GLYATL3: variants seen among roughly 807,000 people sequenced by gnomAD.
The protein encoded by GLYATL3 is glycine N-acyltransferase-like protein 3.
Under a neutral mutation model 28.5 loss-of-function variants are expected in GLYATL3, and 31 were observed. That is an observed-to-expected ratio of 1.09 (90% CI 0.82 to 1.47). The LOEUF (loss-of-function observed/expected upper bound fraction) is 1.47. Among genes scored for constraint, GLYATL3 ranks in the 40% most tolerant of loss-of-function variants. The probability of loss-of-function intolerance (pLI) is 0.00; values close to 1 mark genes in which losing one functional copy is unlikely to be tolerated. For missense variants in GLYATL3, 369 were observed against 351.5 expected, an observed-to-expected ratio of 1.05 and a Z score of -0.40; for synonymous variants, 141 against 140.2, an observed-to-expected ratio of 1.01 and a Z score of -0.04.
At position 49,527,448 on chromosome 6, in the gene GLYATL3, G is replaced by A. The variant is rs749289017; in HGVS notation, c.*534G>A. On this transcript the variant is annotated 3_prime_UTR_variant, in exon 6 of 6. Transcript: ENST00000371197. ...ATTACTTGCTCTTTACTTCTGCCTA[G>A]GACTCTAGCCTATAGTTCACTGCCC... Among the ~76,000 whole-genome samples, 1 of 152,074 alleles carries A rather than the reference G, an allele frequency of 6.6e-6. No individual in the cohort carries two copies. The highest frequency in any genetic ancestry group is 1.5e-5 in the Non-Finnish European group (1 of 68,028).
intron 5 of GLYATL3, among the ~76,000 whole-genome samples, chr6:49,524,338 T>A (rs746852105): frequency 6.6e-6 from 1 of 152,182 alleles, no homozygotes; most frequent in Non-Finnish European, 1.5e-5. Flanking sequence ...ACACCTCTAA[T>A]TAAAAGAAAA....
chr6:49,525,682 A>T (rs559836176), intron 5 of GLYATL3, among the ~76,000 whole-genome samples: 8 of 151,934 alleles, frequency 5.3e-5, no homozygotes, highest in African/African-American at 1.7e-4. Context: ...CACCAGTGGG[A>T]GATTTTATAC....
rs1769237238 is a variant in GLYATL3, at chr6:49,517,495, T to C, written c.252T>C (p.Ala84=). 1 of 1,550,776 alleles carries C rather than the reference T, an allele frequency of 6.4e-7. No homozygotes were observed. Among genetic ancestry groups the C allele is most frequent in the Non-Finnish European group, 8.7e-7 (1 of 1,146,252 alleles). ...AYAVFYKDVR[A]YRQLLEECDV... ...CTGTGTTCTACAAGGATGTCAGGGC[T>C]TATCGACAGCTATTGGAAGAATGTG... Residue 84 remains alanine (A), a synonymous_variant, in exon 4 of 6, where the codon GCT becomes GCC. Transcript: ENST00000371197.
At chr6:49,515,347 A>C (rs542239784) in intron 2 of GLYATL3, among the ~76,000 whole-genome samples, 1 of 152,282 alleles carries the variant, frequency 6.6e-6, no homozygotes, top group South Asian at 2.1e-4. Context: ...CTGCTGACCT[A>C]TGTGCCAAGT....
At chr6:49,524,316 C>T (rs1354291380) in intron 5 of GLYATL3, among the ~76,000 whole-genome samples, 1 of 152,144 alleles carries the variant, frequency 6.6e-6, no homozygotes, top group Non-Finnish European at 1.5e-5. Flanking sequence ...CTGAAATGTG[C>T]AATAACACTA....
intron 3 of GLYATL3, among the ~76,000 whole-genome samples, 172 bp from the exon 4 acceptor site, chr6:49,517,258 C>T (rs1246715325): frequency 1.3e-5 from 2 of 152,044 alleles, no homozygotes; most frequent in Non-Finnish European, 2.9e-5. Flanking sequence ...TTTCCCCTCA[C>T]TACAGCATAT....
At chr6:49,518,790 A>C (rs928641607) in intron 4 of GLYATL3, among the ~76,000 whole-genome samples, 2 of 151,964 alleles carry the variant, frequency 1.3e-5, no homozygotes, top group Non-Finnish European at 2.9e-5. Context: ...AATACAAAAA[A>C]ATTAGCCGGG....
intron 1 of GLYATL3, among the ~76,000 whole-genome samples, chr6:49,504,057 A>C (rs1768963671): frequency 6.6e-6 from 1 of 152,088 alleles, no homozygotes; most frequent in African/African-American, 2.4e-5. Flanking sequence ...ATATAGGCCC[A>C]ATATTCGTAG....
At chr6:49,512,279 TC>T (rs1561977573) in intron 2 of GLYATL3, among the ~76,000 whole-genome samples, 18 of 139,174 alleles carry the variant, frequency 1.3e-4, no homozygotes, top group East Asian at 4.2e-4. Context: ...TTTTTTTTTT[TC>T]TTTCTTTTTT....
chr6:49,516,166 C>T (rs1203786953), intron 3 of GLYATL3, among the ~76,000 whole-genome samples: 2 of 151,974 alleles, frequency 1.3e-5, no homozygotes, highest in Non-Finnish European at 2.9e-5. Flanking sequence ...AGGCTGATCT[C>T]GAACTCCTGA....
intron 2 of GLYATL3, among the ~76,000 whole-genome samples, chr6:49,513,702 C>T (rs563352994): frequency 6.6e-6 from 1 of 152,042 alleles, no homozygotes; most frequent in Non-Finnish European, 1.5e-5. Flanking sequence ...TAAGCCGAAC[C>T]CAATTTGGAA....
intron 5 of GLYATL3, among the ~76,000 whole-genome samples, chr6:49,523,399 G>A (rs1406832001): frequency 6.6e-6 from 1 of 152,186 alleles, no homozygotes; most frequent in African/African-American, 2.4e-5. Context: ...GACACTCAGT[G>A]CCCAGGATTT....
intron 1 of GLYATL3, among the ~76,000 whole-genome samples, chr6:49,503,734 A>G (rs1433365834): frequency 6.6e-6 from 1 of 152,246 alleles, no homozygotes; most frequent in Non-Finnish European, 1.5e-5. Flanking sequence ...ATGTGTGAAT[A>G]TAATCAGAGA....
intron 4 of GLYATL3, among the ~76,000 whole-genome samples, chr6:49,520,680 A>C (rs1053789093): frequency 3.3e-5 from 5 of 152,136 alleles, no homozygotes; most frequent in Admixed American, 2.6e-4. Context: ...GGGGATTTGG[A>C]AAGGTGGAGA....
At chr6:49,521,832 A>T (rs1769322101) in intron 5 of GLYATL3, 61 bp downstream of exon 5, 3 of 1,426,566 alleles carry the variant, frequency 2.1e-6, no homozygotes, top group Admixed American at 4.3e-5. Context: ...TACACGTAGC[A>T]GTAACTGGGG....
rs143394064 is a variant in GLYATL3 at position 49,506,913 on chromosome 6, C to T, written c.-28-5050C>T. Among the ~76,000 whole-genome samples the T allele has an allele frequency of 5.3e-5, 8 of 151,998 alleles. No individual in the cohort carries two copies. In the East Asian group the frequency reaches 1.2e-3, roughly 22 times the overall value. ...TCTAAGCCTCTGAAAGAAGGGGTCCCGGAGTGTTGAAAGAAACAGTAGGCT... is the reference window on the plus strand; with the variant it reads ...TCTAAGCCTCTGAAAGAAGGGGTCCTGGAGTGTTGAAAGAAACAGTAGGCT... On this transcript the variant is annotated intron_variant, in intron 1 of 5. Coordinates refer to ENST00000371197, the MANE Select transcript of GLYATL3 (RefSeq NM_001010904.2).
intron 5 of GLYATL3, among the ~76,000 whole-genome samples, chr6:49,525,560 C>CAAAAAAAAAAAAAA (rs56711143): frequency 1.5e-5 from 1 of 66,592 alleles, no homozygotes; most frequent in African/African-American, 6.5e-5. Flanking sequence ...GCAAGGCTCT[C>CAAAAAAAAAAAAAA]AAAAAAAAAA....
rs1474749031 is a variant in GLYATL3 at position 49,526,692 on chromosome 6, C to T, written c.645C>T (p.Gly215=). ...ITDQFATMCH[G]YTLPEHRRKG... ...ACCAGTTTGCCACCATGTGCCATGG[C>T]TACACCCTGCCAGAACATCGCAGGA... Residue 215 remains glycine (G), a synonymous_variant, in exon 6 of 6, where the codon GGC becomes GGT. Coordinates refer to ENST00000371197, the MANE Select transcript of GLYATL3 (RefSeq NM_001010904.2). 6.4e-7 allele frequency: 1 copy of T among 1,551,792 alleles called. No individual in the cohort carries two copies. Among genetic ancestry groups the T allele is most frequent in the Non-Finnish European group, 8.7e-7 (1 of 1,147,022 alleles).
chr6:49,504,719 G>A (rs1487809799), intron 1 of GLYATL3, among the ~76,000 whole-genome samples: 2 of 152,054 alleles, frequency 1.3e-5, no homozygotes, highest in African/African-American at 4.8e-5. Flanking sequence ...TGTTTAATAT[G>A]CCACTGATGA....
Sources: allele counts gnomAD v4.1 joint callset (sites outside exome capture counted in the v4.1 genomes callset), GRCh38; gene constraint gnomAD v4.1.1; transcripts MANE v1.5; gene names NCBI Gene and HGNC (gene_info 2026-07-23, HGNC 2026-07-21).